COMMD1: variants seen among roughly 807,000 people sequenced by gnomAD.
COMMD1 encodes COMM domain-containing protein 1.
COMMD1 carries 10 observed loss-of-function variants against 17.2 expected under a neutral mutation model. The observed-to-expected ratio is 0.58, with a 90% CI of 0.36 to 0.99. The LOEUF (loss-of-function observed/expected upper bound fraction) is 0.99, where lower values mean the gene tolerates loss of function less well. COMMD1 is among the 50% of genes least tolerant of loss of function. COMMD1 has a pLI of 0.01. For synonymous variants in COMMD1, 97 were observed against 91.6 expected, an observed-to-expected ratio of 1.06 and a Z score of -0.34; for missense variants, 270 against 231.8, an observed-to-expected ratio of 1.17 and a Z score of -1.07.
intron 2 of COMMD1, among the ~76,000 whole-genome samples, chr2:62,012,430 T>C (rs1244128119): frequency 6.6e-6 from 1 of 151,270 alleles, no homozygotes; most frequent in East Asian, 2.0e-4. Context: ...GCAATTCCCC[T>C]GCCTCAGCCT....
rs528595786 is a variant in COMMD1 at position 62,017,320 on chromosome 2, C to T, written c.462+16338C>T. On this transcript the variant is annotated intron_variant, in intron 2 of 2. Transcript: ENST00000311832. ...TGATCTTTGATCCTGTGATACTGGC[C>T]TCCGTCCACACACACACTTCTTAGT... 3.3e-5 allele frequency among the ~76,000 whole-genome samples: 5 copies of T among 152,234 alleles called. No homozygotes were observed. The South Asian group carries it at 6.2e-4, about 19-fold the overall frequency.
At chr2:62,003,397 C>T (rs1179789094) in intron 2 of COMMD1, among the ~76,000 whole-genome samples, 2 of 149,898 alleles carry the variant, frequency 1.3e-5, no homozygotes, top group East Asian at 2.0e-4. Flanking sequence ...AAAAATTAGC[C>T]GGGCGTGGTG....
intron 2 of COMMD1, among the ~76,000 whole-genome samples, chr2:62,129,989 CA>C (rs2104098117): frequency 6.6e-6 from 1 of 152,112 alleles, no homozygotes; most frequent in East Asian, 1.9e-4. Flanking sequence ...TCCTGGCTAA[CA>C]CGGTGAAACC....
At chr2:62,054,339 A>G (rs375393257) in intron 2 of COMMD1, among the ~76,000 whole-genome samples, 17 of 152,354 alleles carry the variant, frequency 1.1e-4, no homozygotes, top group African/African-American at 4.1e-4. Flanking sequence ...CAGTGCCACT[A>G]CTGGGTATCT....
intron 2 of COMMD1, among the ~76,000 whole-genome samples, chr2:62,007,764 C>T (rs560527448): frequency 6.6e-6 from 1 of 152,314 alleles, no homozygotes; most frequent in African/African-American, 2.4e-5. Flanking sequence ...CACAATGAAT[C>T]ACCTAATGGC....
chr2:61,971,875 C>T (rs1671660219), intron 1 of COMMD1, among the ~76,000 whole-genome samples: 1 of 152,076 alleles, frequency 6.6e-6, no homozygotes, highest in African/African-American at 2.4e-5. Context: ...AATCCCAGCA[C>T]TTTGGTTGGC....
chr2:61,944,265 A>G (rs1368183694), intron 1 of COMMD1, among the ~76,000 whole-genome samples: 2 of 152,072 alleles, frequency 1.3e-5, no homozygotes, highest in Admixed American at 6.5e-5. Context: ...CAGCCTGGCC[A>G]ACATAGCAAG....
At chr2:61,903,359 A>T (rs1362941368), upstream of COMMD1, among the ~76,000 whole-genome samples, 4 of 151,550 alleles carry the variant, frequency 2.6e-5, no homozygotes, top group Admixed American at 2.6e-4. Context: ...CAGGAGAATC[A>T]CTTGAACTTG....
intron 1 of COMMD1, among the ~76,000 whole-genome samples, chr2:61,989,615 A>C (rs1173859934): frequency 6.6e-6 from 1 of 151,658 alleles, no homozygotes; most frequent in Non-Finnish European, 1.5e-5. Flanking sequence ...ATGTGCCACC[A>C]TGCCTGGCTA....
chr2:61,898,442 C>T (rs1669595035), intron 1 of COMMD1, among the ~76,000 whole-genome samples: 1 of 152,184 alleles, frequency 6.6e-6, no homozygotes, highest in Non-Finnish European at 1.5e-5. Context: ...CGCCACTGCA[C>T]TGCAGCCTGG....
At chr2:61,974,416 G>A (rs1463596759) in intron 1 of COMMD1, among the ~76,000 whole-genome samples, 1 of 151,988 alleles carries the variant, frequency 6.6e-6, no homozygotes, top group Non-Finnish European at 1.5e-5. Context: ...GCTCACGCCT[G>A]TAATCCCAGC....
At chr2:62,051,755 T>C (rs1343415413) in intron 2 of COMMD1, among the ~76,000 whole-genome samples, 3 of 152,234 alleles carry the variant, frequency 2.0e-5, no homozygotes, top group Non-Finnish European at 4.4e-5. Context: ...AGCAACACTG[T>C]AAATAGTCCA....
At chr2:61,905,974 G>A in intron 1 of COMMD1, 116 bp downstream of exon 1, 3 of 1,003,146 alleles carry the variant, frequency 3.0e-6, no homozygotes, top group Non-Finnish European at 4.6e-6. Flanking sequence ...TTCCCTCTCA[G>A]ACCTCCACTC....
intron 2 of COMMD1, among the ~76,000 whole-genome samples, chr2:62,089,226 T>C (rs1461961654): frequency 6.6e-6 from 1 of 152,106 alleles, no homozygotes; most frequent in East Asian, 1.9e-4. Flanking sequence ...AGATGCAGAT[T>C]TTCCCCTACA....
At chr2:62,114,076 C>T (rs1277103135) in intron 2 of COMMD1, among the ~76,000 whole-genome samples, 1 of 152,024 alleles carries the variant, frequency 6.6e-6, no homozygotes, top group Non-Finnish European at 1.5e-5. Flanking sequence ...TATTTTTATC[C>T]ATAGGTAGCA....
intron 1 of COMMD1, among the ~76,000 whole-genome samples, chr2:61,910,914 T>C (rs1669888881): frequency 1.3e-5 from 2 of 151,248 alleles, no homozygotes; most frequent in South Asian, 2.1e-4. Context: ...AGAAACCCCG[T>C]CTCTACTAAA....
intron 2 of COMMD1, among the ~76,000 whole-genome samples, chr2:62,087,163 A>T (rs1044546343): frequency 5.9e-5 from 9 of 152,218 alleles, no homozygotes; most frequent in African/African-American, 2.2e-4. Flanking sequence ...CCAAACAGCA[A>T]AATGTGTTTT....
intron 2 of COMMD1, among the ~76,000 whole-genome samples, chr2:62,071,588 C>T (rs1229442093): frequency 1.3e-5 from 2 of 152,122 alleles, no homozygotes; most frequent in African/African-American, 2.4e-5. Flanking sequence ...GCCAGTTCTA[C>T]TTATGATTAC....
chr2:61,890,276 G>C (rs1669394761), intron 1 of COMMD1, among the ~76,000 whole-genome samples: 1 of 152,178 alleles, frequency 6.6e-6, no homozygotes. Context: ...GGCTGGAGCA[G>C]TGGCACCATC....
Sources: allele counts gnomAD v4.1 joint callset (sites outside exome capture counted in the v4.1 genomes callset), GRCh38; gene constraint gnomAD v4.1.1; transcripts MANE v1.5; gene names NCBI Gene and HGNC (gene_info 2026-07-23, HGNC 2026-07-21).